Variants in VPS54 observed in about 807,000 individuals in gnomAD.
The protein encoded by VPS54 is VPS54 subunit of GARP complex.
A neutral mutation model predicts 121.5 loss-of-function variants in VPS54; 45 were observed. The observed-to-expected ratio is 0.37, with a 90% CI of 0.29 to 0.47. The LOEUF is 0.47. Ranked by LOEUF, VPS54 falls within the 20% of genes least tolerant of loss-of-function variation. The pLI, the probability that VPS54 is intolerant of heterozygous loss-of-function variation, is 0.99. For synonymous variants in VPS54, 371 were observed against 385.8 expected, an observed-to-expected ratio of 0.96 and a Z score of 0.45; for missense variants, 1,090 against 1,131.4, an observed-to-expected ratio of 0.96 and a Z score of 0.52.
At chr2:63,958,924 T>TAA (rs1335723979) in intron 7 of VPS54, among the ~76,000 whole-genome samples, 1 of 152,140 alleles carries the variant, frequency 6.6e-6, no homozygotes, top group Non-Finnish European at 1.5e-5. Flanking sequence ...GACTCTGATA[T>TAA]AAAAAAGACA....
At chr2:63,974,451 A>C (rs1676426079) in intron 3 of VPS54, among the ~76,000 whole-genome samples, 1 of 152,214 alleles carries the variant, frequency 6.6e-6, no homozygotes, top group Non-Finnish European at 1.5e-5. Flanking sequence ...TATAAGCTTT[A>C]GAGTCAGTTT....
chr2:63,991,221 A>C (rs1401180397), intron 1 of VPS54, among the ~76,000 whole-genome samples: 1 of 152,226 alleles, frequency 6.6e-6, no homozygotes, highest in Non-Finnish European at 1.5e-5. Context: ...TGGTTAAACA[A>C]GGTCATGATG....
intron 6 of VPS54, 138 bp downstream of exon 6, chr2:63,965,697 T>C: frequency 8.2e-7 from 1 of 1,214,556 alleles, no homozygotes; most frequent in Non-Finnish European, 1.1e-6. Context: ...CAGTTAAGAT[T>C]GGGAGGCTTA....
intron 1 of VPS54, among the ~76,000 whole-genome samples, chr2:64,017,021 TAAAAA>T (rs777168254): frequency 5.0e-5 from 5 of 100,388 alleles, no homozygotes; most frequent in African/African-American, 7.4e-5. Flanking sequence ...TTTTGTTGAT[TAAAAA>T]AAAAAAAAAA....
chr2:64,011,038 A>C (rs1442320630), intron 1 of VPS54, among the ~76,000 whole-genome samples: 1 of 152,268 alleles, frequency 6.6e-6, no homozygotes, highest in Non-Finnish European at 1.5e-5. Context: ...ACAAGAAACA[A>C]TAAGAAATAA....
chr2:63,982,697 G>A (rs1415614430), intron 2 of VPS54, among the ~76,000 whole-genome samples: 1 of 152,136 alleles, frequency 6.6e-6, no homozygotes, highest in East Asian at 1.9e-4. Context: ...CTTGCACTTA[G>A]GAACTCCAGA....
At chr2:63,977,146 C>A (rs905798200) in intron 3 of VPS54, among the ~76,000 whole-genome samples, 1 of 152,080 alleles carries the variant, frequency 6.6e-6, no homozygotes, top group African/African-American at 2.4e-5. Context: ...TTTTCTTAAT[C>A]TAGCTAAATG....
chr2:63,961,636 T>C (rs182531834), intron 7 of VPS54, among the ~76,000 whole-genome samples: 18 of 152,342 alleles, frequency 1.2e-4, no homozygotes, highest in Admixed American at 5.9e-4. Context: ...TGCAATTTGA[T>C]AAACAGACTG....
intron 1 of VPS54, among the ~76,000 whole-genome samples, chr2:63,993,085 T>C (rs1055473743): frequency 2.0e-5 from 3 of 152,196 alleles, no homozygotes; most frequent in African/African-American, 7.2e-5. Context: ...TTTGAGCTGC[T>C]GTGTTAGAGG....
chr2:63,934,458 C>A, intron 11 of VPS54, among the ~76,000 whole-genome samples: 1 of 152,136 alleles, frequency 6.6e-6, no homozygotes. Flanking sequence ...ACTCTCCAGA[C>A]ATTCTAGTTC....
chr2:63,953,750 T>C (rs1337873314), intron 7 of VPS54, among the ~76,000 whole-genome samples: 3 of 152,192 alleles, frequency 2.0e-5, no homozygotes, highest in South Asian at 2.1e-4. Context: ...TGGCGACTTA[T>C]GGTAGGGGTT....
At chr2:63,933,510 C>T (rs1270819395) in intron 12 of VPS54, among the ~76,000 whole-genome samples, 163 bp downstream of exon 12, 1 of 152,122 alleles carries the variant, frequency 6.6e-6, no homozygotes, top group Non-Finnish European at 1.5e-5. Context: ...CACCTCCTTA[C>T]TTCTCATACA....
chr2:63,966,374 T>C lies in VPS54; in HGVS notation c.493-408A>G, dbSNP rs191047802. On this transcript the variant is annotated intron_variant, in intron 5 of 22. Transcript: ENST00000272322. ...TATTTCTATTTTCTCCTGCTCAAAA[T>C]TGTTTTAAAATTAGTTTAGATTAAG... 3.4e-3 allele frequency among the ~76,000 whole-genome samples: 518 copies of C among 152,354 alleles called. 2 individuals carry two copies. Among genetic ancestry groups the C allele is most frequent in the Admixed American group, 6.1e-3 (94 of 15,304 alleles).
At chr2:64,012,104 C>T (rs1678456610) in intron 1 of VPS54, among the ~76,000 whole-genome samples, 1 of 152,090 alleles carries the variant, frequency 6.6e-6, no homozygotes, top group Non-Finnish European at 1.5e-5. Flanking sequence ...CATCTCTCAC[C>T]ACTGGTTGGC....
intron 4 of VPS54, among the ~76,000 whole-genome samples, chr2:63,971,263 T>A (rs1676273921): frequency 6.6e-6 from 1 of 152,250 alleles, no homozygotes. Context: ...AGCCTCCAAC[T>A]GTCTCCTTGC....
In VPS54 at chr2:63,921,293, C is replaced by G. The variant is rs1164792231; in HGVS notation, c.1782G>C (p.Lys594Asn). ...ATAATTCCTGGATATTATTTGCCAG[C>G]TTTCCTAGCTCTGAGTCAGTTAATT... ...DMKLTDSELG[K>N]LANNIQELLY... Residue 594 changes from lysine (K) to asparagine (N), a missense_variant, in exon 13 of 23, where the codon AAG becomes AAC. Transcript: ENST00000272322. 13 of 1,613,002 alleles carry G rather than the reference C, an allele frequency of 8.1e-6. 1 individual carries two copies. Among genetic ancestry groups the G allele is most frequent in the Non-Finnish European group, 1.0e-5 (12 of 1,179,484 alleles).
At chr2:63,975,843 A>G (rs1053630958) in intron 3 of VPS54, among the ~76,000 whole-genome samples, 1 of 152,224 alleles carries the variant, frequency 6.6e-6, no homozygotes, top group Non-Finnish European at 1.5e-5. Flanking sequence ...CCTAGCCAGC[A>G]GCAGGCAAGG....
chr2:63,988,933 T>C (rs1055488896), intron 1 of VPS54, among the ~76,000 whole-genome samples: 2 of 152,172 alleles, frequency 1.3e-5, no homozygotes, highest in African/African-American at 2.4e-5. Flanking sequence ...AAGAGAAATA[T>C]TGCTGAGTTC....
chr2:63,937,640 G>A (rs1280636934), intron 11 of VPS54, among the ~76,000 whole-genome samples: 1 of 152,048 alleles, frequency 6.6e-6, no homozygotes, highest in Non-Finnish European at 1.5e-5. Context: ...TCCAATTCTG[G>A]GGTTGACAAA....
Sources: allele counts gnomAD v4.1 joint callset (sites outside exome capture counted in the v4.1 genomes callset), GRCh38; gene constraint gnomAD v4.1.1; transcripts MANE v1.5; gene names NCBI Gene and HGNC (gene_info 2026-07-23, HGNC 2026-07-21).